SH3GL3: variants seen among roughly 807,000 people sequenced by gnomAD.
SH3GL3 encodes the protein SH3 domain containing GRB2 like 3, endophilin A3, also known as endophilin-A3.
SH3GL3 carries 33 observed loss-of-function variants against 47.7 expected under a neutral mutation model. The ratio of observed to expected loss-of-function variants is 0.69; its 90% CI spans 0.52 to 0.92. The LOEUF (loss-of-function observed/expected upper bound fraction) is 0.92, where lower values mean the gene tolerates loss of function less well. SH3GL3 is among the 40% of genes least tolerant of loss of function. SH3GL3 has a pLI of 0.00. For synonymous variants in SH3GL3, 155 were observed against 148.8 expected (o/e 1.04, Z -0.30); for missense variants, 363 against 417.8 (o/e 0.87, Z 1.14).
chr15:83,560,685 G>A (rs528409874), intron 2 of SH3GL3, among the ~76,000 whole-genome samples: 4 of 152,220 alleles, frequency 2.6e-5, no homozygotes, highest in Non-Finnish European at 4.4e-5. Context: ...GCAGTGAAAA[G>A]CATGGAAACA....
chr15:83,472,350 C>G (rs1197367998), intron 1 of SH3GL3, among the ~76,000 whole-genome samples: 2 of 152,092 alleles, frequency 1.3e-5, no homozygotes, highest in Non-Finnish European at 2.9e-5. Context: ...ATGTTAGGTC[C>G]TTTGTTATGG....
chr15:83,629,905 A>G, the SH3GL3 span, among the ~76,000 whole-genome samples: 1 of 152,220 alleles, frequency 6.6e-6, no homozygotes, highest in Non-Finnish European at 1.5e-5. Flanking sequence ...TATAGGTGAT[A>G]TGGTTTGGCT....
intron 1 of SH3GL3, among the ~76,000 whole-genome samples, chr15:83,485,821 C>T (rs2041571303): frequency 6.6e-6 from 1 of 152,134 alleles, no homozygotes; most frequent in Admixed American, 6.5e-5. Flanking sequence ...TACTGCCTAC[C>T]ATGTGGATTT....
At chr15:83,466,747 T>G (rs148443845) in intron 1 of SH3GL3, among the ~76,000 whole-genome samples, 92 of 152,300 alleles carry the variant, frequency 6.0e-4, no homozygotes, top group African/African-American at 2.0e-3. Flanking sequence ...AGCCTTTCTG[T>G]TAGATGTGGA....
At chr15:83,460,881 G>A (rs759213118) in intron 1 of SH3GL3, among the ~76,000 whole-genome samples, 4 of 152,010 alleles carry the variant, frequency 2.6e-5, no homozygotes, top group African/African-American at 9.7e-5. Context: ...TCAGGAGATC[G>A]AGACCAGCCA....
intron 8 of SH3GL3, among the ~76,000 whole-genome samples, chr15:83,611,802 T>G (rs747990005): frequency 3.3e-5 from 5 of 152,060 alleles, no homozygotes; most frequent in African/African-American, 4.8e-5. Context: ...TATCTAACAG[T>G]TGGAAAGCCT....
chr15:83,605,237 G>A (rs114600094), intron 8 of SH3GL3, among the ~76,000 whole-genome samples: 1 of 152,158 alleles, frequency 6.6e-6, no homozygotes, highest in African/African-American at 2.4e-5. Flanking sequence ...CTTCTTCTAA[G>A]TTTCCCTCGG....
intron 1 of SH3GL3, among the ~76,000 whole-genome samples, chr15:83,463,767 C>CTTTTTTTTTT (rs910419812): frequency 9.8e-5 from 12 of 122,920 alleles, no homozygotes; most frequent in East Asian, 2.4e-4. Flanking sequence ...TTCTTTCTTT[C>CTTTTTTTTTT]TTTTTTTTTT....
intron 1 of SH3GL3, among the ~76,000 whole-genome samples, chr15:83,550,093 G>A (rs1259368670): frequency 1.3e-5 from 2 of 152,040 alleles, no homozygotes; most frequent in Non-Finnish European, 2.9e-5. Flanking sequence ...CCCTTCACTC[G>A]TCTTTCCCTA....
intron 1 of SH3GL3, among the ~76,000 whole-genome samples, chr15:83,545,557 T>C (rs2044353736): frequency 1.3e-5 from 2 of 152,220 alleles, no homozygotes; most frequent in South Asian, 4.1e-4. Flanking sequence ...TTGTTTTTTC[T>C]GGACGGTCTT....
intron 1 of SH3GL3, among the ~76,000 whole-genome samples, chr15:83,535,601 C>A (rs1251181035): frequency 1.3e-5 from 2 of 152,348 alleles, no homozygotes; most frequent in African/African-American, 4.8e-5. Context: ...CTGTTGAGAT[C>A]TGGGAACACG....
rs79658164 is a variant in SH3GL3 at position 83,560,706 on chromosome 15, G to A, written c.114+1385G>A. ...AAAAGCATGGAAACATATAATACAT[G>A]ACCAGAAGTTTTAAAACTTTCCAGA... On this transcript the variant is annotated intron_variant, in intron 2 of 8. Transcript: ENST00000427482. 5.0e-3 allele frequency among the ~76,000 whole-genome samples: 758 copies of A among 152,148 alleles called. 8 individuals are homozygous for A. The highest frequency in any genetic ancestry group is 0.017 in the African/African-American group (713 of 41,536).
At chr15:83,532,593 A>G (rs914289886) in intron 1 of SH3GL3, among the ~76,000 whole-genome samples, 10 of 152,166 alleles carry the variant, frequency 6.6e-5, no homozygotes, top group African/African-American at 2.4e-4. Context: ...AGCAGTTTTA[A>G]TGGAGCCAGA....
At chr15:83,473,291 CA>C (rs1173515316) in intron 1 of SH3GL3, among the ~76,000 whole-genome samples, 1 of 152,090 alleles carries the variant, frequency 6.6e-6, no homozygotes, top group Non-Finnish European at 1.5e-5. Flanking sequence ...GACACTGCCC[CA>C]GGGGTGAGGA....
the SH3GL3 span, among the ~76,000 whole-genome samples, chr15:83,630,566 G>T: frequency 2.0e-5 from 3 of 151,974 alleles, no homozygotes; most frequent in Non-Finnish European, 4.4e-5. Flanking sequence ...TGGCAGAAGG[G>T]GAAGCAAACA....
chr15:83,586,911 G>A, intron 6 of SH3GL3, 72 bp from the exon 7 acceptor site: 2 of 732,386 alleles, frequency 2.7e-6, no homozygotes, highest in Non-Finnish European at 4.6e-6. Flanking sequence ...GGTCTTTGCT[G>A]CTGGTCTCCT....
chr15:83,620,445 G>C (rs1567044647), downstream of SH3GL3, among the ~76,000 whole-genome samples: 2 of 152,166 alleles, frequency 1.3e-5, no homozygotes, highest in Non-Finnish European at 1.5e-5. Flanking sequence ...CTTGATCCAT[G>C]GGCTGAAGAA....
chr15:83,584,717 T>A (rs2059914832), intron 6 of SH3GL3, among the ~76,000 whole-genome samples: 1 of 152,146 alleles, frequency 6.6e-6, no homozygotes. Context: ...TTGGCGTATA[T>A]CACGTGAACA....
At chr15:83,624,239 A>C in the SH3GL3 span, among the ~76,000 whole-genome samples, 1 of 152,182 alleles carries the variant, frequency 6.6e-6, no homozygotes, top group Non-Finnish European at 1.5e-5. Flanking sequence ...ATTGGGTCCC[A>C]GTAGACTCAC....
Sources: allele counts gnomAD v4.1 joint callset (sites outside exome capture counted in the v4.1 genomes callset), GRCh38; gene constraint gnomAD v4.1.1; transcripts MANE v1.5; gene names NCBI Gene and HGNC (gene_info 2026-07-23, HGNC 2026-07-21).